CNTNAP5: variants seen among roughly 807,000 people sequenced by gnomAD.
CNTNAP5 encodes the protein contactin-associated protein-like 5.
Under a neutral mutation model 150.2 loss-of-function variants are expected in CNTNAP5, and 72 were observed. The observed-to-expected ratio is 0.48, with a 90% CI of 0.40 to 0.58. The LOEUF is 0.58. Among genes scored for constraint, CNTNAP5 ranks in the 20% least tolerant of loss-of-function variants. The pLI, the probability that CNTNAP5 is intolerant of heterozygous loss-of-function variation, is 0.00. For synonymous variants in CNTNAP5, 672 were observed against 619.8 expected (o/e 1.08, Z -1.25); for missense variants, 1,636 against 1,626.2 (o/e 1.01, Z -0.10).
intron 3 of CNTNAP5, among the ~76,000 whole-genome samples, chr2:124,340,657 G>A (rs1447877128): frequency 2.6e-5 from 4 of 151,680 alleles, no homozygotes; most frequent in Admixed American, 2.6e-4. Context: ...CAGGCTCACA[G>A]GTATAATCCC....
intron 17 of CNTNAP5, 54 bp from the exon 18 acceptor site, chr2:124,789,848 A>G: frequency 6.4e-7 from 1 of 1,550,470 alleles, no homozygotes; most frequent in Non-Finnish European, 8.8e-7. Flanking sequence ...TTAAACCTAA[A>G]TGTATTGAGC....
chr2:124,202,390 G>A (rs1446113370), intron 1 of CNTNAP5, among the ~76,000 whole-genome samples: 2 of 152,140 alleles, frequency 1.3e-5, no homozygotes, highest in Admixed American at 1.3e-4. Context: ...GAAAACTTTG[G>A]TTTTTAAAAT....
At chr2:124,522,877 A>G (rs1694880452) in intron 8 of CNTNAP5, among the ~76,000 whole-genome samples, 1 of 152,126 alleles carries the variant, frequency 6.6e-6, no homozygotes, top group South Asian at 2.1e-4. Flanking sequence ...CATCCACTTC[A>G]ATGAAACATT....
chr2:124,609,473 C>T (rs576746510), intron 11 of CNTNAP5, among the ~76,000 whole-genome samples: 4 of 152,138 alleles, frequency 2.6e-5, no homozygotes, highest in African/African-American at 4.8e-5. Flanking sequence ...CACACCTATA[C>T]TCCCAGCTAC....
At chr2:124,754,856 A>T (rs1233794833) in intron 14 of CNTNAP5, among the ~76,000 whole-genome samples, 3 of 146,278 alleles carry the variant, frequency 2.1e-5, no homozygotes, top group Non-Finnish European at 4.5e-5. Context: ...CCCAGCCTAC[A>T]TTTTTTTTTT....
chr2:124,499,349 G>A (rs1237954272), intron 7 of CNTNAP5, among the ~76,000 whole-genome samples: 8 of 152,258 alleles, frequency 5.3e-5, no homozygotes, highest in African/African-American at 1.9e-4. Flanking sequence ...TAGCACACAC[G>A]ACTGTAAGCC....
At chr2:124,781,008 G>A (rs1442710643) in intron 17 of CNTNAP5, among the ~76,000 whole-genome samples, 2 of 152,202 alleles carry the variant, frequency 1.3e-5, no homozygotes, top group Non-Finnish European at 2.9e-5. Context: ...TTAAAAGCCT[G>A]TGGGTGCTTC....
At chr2:124,606,494 T>C (rs1697108861) in intron 11 of CNTNAP5, among the ~76,000 whole-genome samples, 1 of 152,168 alleles carries the variant, frequency 6.6e-6, no homozygotes, top group Admixed American at 6.5e-5. Flanking sequence ...TGATCTTTTA[T>C]ACCAAGGCTT....
In CNTNAP5 at chr2:124,921,186, A is replaced by G. The variant is rs1055662994; in HGVS notation, c.*6898A>G. 2.0e-5 allele frequency among the ~76,000 whole-genome samples: 3 copies of G among 152,198 alleles called. No homozygotes were observed. The highest frequency in any genetic ancestry group is 7.2e-5 in the African/African-American group (3 of 41,468). On this transcript the variant is annotated 3_prime_UTR_variant, in exon 24 of 24. Transcript: ENST00000682447. ...TGTAAATAATGTATATTTAATAAAG[A>G]GAACATTTTGTATGATTTTGTGTGG...
intron 19 of CNTNAP5, among the ~76,000 whole-genome samples, chr2:124,850,646 G>A (rs1368213480): frequency 6.6e-6 from 1 of 152,210 alleles, no homozygotes; most frequent in African/African-American, 2.4e-5. Flanking sequence ...ATGAGATTGT[G>A]AAAGCAGTGA....
At chr2:124,363,099 A>G (rs1178214021) in intron 3 of CNTNAP5, among the ~76,000 whole-genome samples, 2 of 152,192 alleles carry the variant, frequency 1.3e-5, no homozygotes, top group African/African-American at 4.8e-5. Context: ...AGTGATATGA[A>G]GGCACTATGA....
At position 124,049,148 on chromosome 2, in the gene CNTNAP5, C is replaced by T. The variant is rs148534974; in HGVS notation, c.82+23416C>T. 4.8e-3 allele frequency among the ~76,000 whole-genome samples: 724 copies of T among 152,270 alleles called. 9 individuals are homozygous for T. Among genetic ancestry groups the T allele is most frequent in the African/African-American group, 0.017 (700 of 41,554 alleles). On this transcript the variant is annotated intron_variant, in intron 1 of 23. Coordinates refer to ENST00000682447, the MANE Select transcript of CNTNAP5 (RefSeq NM_001367498.1). Reference sequence around the variant, plus strand: ...GGGCTTTTTGCTTTATCACTGTTAACGTCCCTATGATCTCCTTCATTTGGT... The same window carrying T: ...GGGCTTTTTGCTTTATCACTGTTAATGTCCCTATGATCTCCTTCATTTGGT...
chr2:124,543,991 G>T (rs769904589), intron 10 of CNTNAP5, among the ~76,000 whole-genome samples: 1 of 151,752 alleles, frequency 6.6e-6, no homozygotes, highest in South Asian at 2.1e-4. Flanking sequence ...AATCCATAGA[G>T]AACTATAATA....
At chr2:124,086,332 T>C (rs1325211197) in intron 1 of CNTNAP5, among the ~76,000 whole-genome samples, 1 of 151,054 alleles carries the variant, frequency 6.6e-6, no homozygotes, top group Non-Finnish European at 1.5e-5. Context: ...GCCTCCCGAG[T>C]AGCTGGGACT....
chr2:124,566,151 G>T (rs903611426), intron 11 of CNTNAP5, among the ~76,000 whole-genome samples: 1 of 144,600 alleles, frequency 6.9e-6, no homozygotes, highest in Non-Finnish European at 1.6e-5. Context: ...CCCCCATAAG[G>T]CTGTCCAGAT....
intron 13 of CNTNAP5, among the ~76,000 whole-genome samples, chr2:124,667,153 A>G (rs1459957299): frequency 6.6e-6 from 1 of 152,202 alleles, no homozygotes; most frequent in East Asian, 1.9e-4. Context: ...AGATTGCCCC[A>G]GGGCAGTTTA....
At chr2:124,047,132 C>T (rs1021364071) in intron 1 of CNTNAP5, among the ~76,000 whole-genome samples, 1 of 152,162 alleles carries the variant, frequency 6.6e-6, no homozygotes, top group Non-Finnish European at 1.5e-5. Flanking sequence ...CCAACACTTA[C>T]TACAGACTAG....
intron 5 of CNTNAP5, among the ~76,000 whole-genome samples, chr2:124,436,406 T>A (rs1409129921): frequency 1.3e-5 from 2 of 152,184 alleles, no homozygotes; most frequent in Non-Finnish European, 2.9e-5. Context: ...GTTTTTTATT[T>A]TATTTATTAT....
At chr2:124,485,612 C>CAAAAAAAAAAAAAAA (rs576700912) in intron 7 of CNTNAP5, among the ~76,000 whole-genome samples, 5 of 52,394 alleles carry the variant, frequency 9.5e-5, no homozygotes, top group African/African-American at 1.7e-4. Context: ...GACTCTGTCT[C>CAAAAAAAAAAAAAAA]AAAAAAAAAA....
Sources: gnomAD v4.1 joint callset for allele counts (sites outside exome capture counted in the v4.1 genomes callset) on GRCh38, gnomAD v4.1.1 for gene constraint, MANE v1.5 for transcripts, NCBI Gene and HGNC (gene_info 2026-07-23, HGNC 2026-07-21) for gene names.